Variants in ITPRID2 observed in about 807,000 individuals in gnomAD.
ITPRID2 encodes ITPR interacting domain containing 2.
Under a neutral mutation model 124.3 loss-of-function variants are expected in ITPRID2, and 60 were observed. The ratio of observed to expected loss-of-function variants is 0.48; its 90% CI spans 0.39 to 0.60. ITPRID2 has a LOEUF of 0.60. Ranked by LOEUF, ITPRID2 falls within the 20% of genes least tolerant of loss-of-function variation. The pLI is 0.00. For missense variants in ITPRID2, 1,553 were observed against 1,512.2 expected (o/e 1.03, Z -0.45); for synonymous variants, 521 against 542.9 (o/e 0.96, Z 0.56).
At chr2:181,926,522 G>A (rs927799472) in intron 16 of ITPRID2, among the ~76,000 whole-genome samples, 1 of 152,030 alleles carries the variant, frequency 6.6e-6, no homozygotes, top group African/African-American at 2.4e-5. Flanking sequence ...GACCATCTTG[G>A]CTAACATGGT....
At chr2:181,898,822 C>G (rs991937397) in intron 4 of ITPRID2, 58 bp from the exon 5 acceptor site, 4 of 1,146,792 alleles carry the variant, frequency 3.5e-6, no homozygotes, top group Non-Finnish European at 5.2e-6. Context: ...ATAATTGTAT[C>G]ATAGTAGTTA....
In ITPRID2 at chr2:181,907,963, A is replaced by G. The variant is rs1445098594; in HGVS notation, c.1414-1936A>G. Among the ~76,000 whole-genome samples the G allele has an allele frequency of 6.6e-6, 1 of 152,200 alleles. No individual in the cohort carries two copies. The highest frequency in any genetic ancestry group is 6.6e-5 in the Admixed American group (1 of 15,266). ...AGGAGAGAGTAGATTTGTTTTTGCCATTGAGTAGCATCTTGAAGAATAGAA... is the reference window on the plus strand; with the variant it reads ...AGGAGAGAGTAGATTTGTTTTTGCCGTTGAGTAGCATCTTGAAGAATAGAA... On this transcript the variant is annotated intron_variant, in intron 8 of 17. Coordinates refer to ENST00000431877, the MANE Select transcript of ITPRID2 (RefSeq NM_001130445.3). The surrounding 1 kb of genome is among the most constrained non-coding windows in gnomAD (Gnocchi z 5.1).
chr2:181,899,223 A>C (rs1692462803), intron 6 of ITPRID2, 111 bp downstream of exon 6: 2 of 758,126 alleles, frequency 2.6e-6, no homozygotes, highest in Admixed American at 6.0e-5. Flanking sequence ...GAAAGAACAC[A>C]AAAAGAGCGT....
chr2:181,915,382 A>G lies in ITPRID2; in HGVS notation c.1742A>G (p.Lys581Arg). The G allele has an allele frequency of 6.2e-7, 1 of 1,614,194 alleles. No individual in the cohort carries two copies. The highest frequency in any genetic ancestry group is 1.1e-5 in the South Asian group (1 of 91,080). Residue 581 changes from lysine to arginine, a missense_variant, in exon 11 of 18, where the codon AAG (lysine) becomes AGG (arginine). Transcript: ENST00000431877. Reference sequence around the variant, plus strand: ...GTCCCTCTTCAGAAGGGACTAGAGAAGGCAGCAGCAGTTGCAGACAAAAGA... The same window carrying G: ...GTCCCTCTTCAGAAGGGACTAGAGAGGGCAGCAGCAGTTGCAGACAAAAGA... ...SLVPLQKGLEKAAAVADKRKS... is the reference protein window; with the variant it reads ...SLVPLQKGLERAAAVADKRKS...
chr2:181,898,157 C>T (rs1692362933), intron 4 of ITPRID2, among the ~76,000 whole-genome samples: 1 of 151,978 alleles, frequency 6.6e-6, no homozygotes, highest in African/African-American at 2.4e-5. Context: ...GTGAGTTAGG[C>T]ACCTTTCTGG....
In ITPRID2 at chr2:181,922,288, C is replaced by T; in HGVS notation, c.3551C>T (p.Ala1184Val). ...SSEEVDAAEG[A>V]PEVVGPKSEV... ...GAGGAAGTTGATGCAGCTGAAGGAG[C>T]CCCAGAAGTTGTAGGACCTAAATCT... Residue 1184 changes from alanine to valine, a missense_variant, in exon 16 of 18, where the codon GCC becomes GTC. By Grantham distance (64) the Ala-to-Val change is moderately conservative. Coordinates refer to ENST00000431877, the MANE Select transcript of ITPRID2 (RefSeq NM_001130445.3). The T allele has an allele frequency of 6.2e-7, 1 of 1,614,140 alleles. No homozygotes were observed. The highest frequency in any genetic ancestry group is 8.5e-7 in the Non-Finnish European group (1 of 1,180,038).
intron 11 of ITPRID2, 125 bp from the exon 12 acceptor site, chr2:181,918,473 T>G: frequency 1.4e-6 from 2 of 1,477,818 alleles, no homozygotes; most frequent in South Asian, 1.5e-5. Flanking sequence ...ATATGAAGGT[T>G]TTTTGGATCC....
At position 181,910,704 on chromosome 2, in the gene ITPRID2, A is replaced by G; in HGVS notation, c.1486+733A>G. 3.1e-6 allele frequency: 2 copies of G among 646,952 alleles called. No homozygotes were observed. Among genetic ancestry groups the G allele is most frequent in the Non-Finnish European group, 5.6e-6 (2 of 356,930 alleles). 40.1% of individuals were successfully genotyped at this position (646,952 alleles called of 1,614,324 possible). A position where few individuals can be genotyped will look rare whatever the true frequency, so the allele number is the denominator to read the frequency against. On this transcript the variant is annotated intron_variant, in intron 9 of 17. Coordinates refer to ENST00000431877, the MANE Select transcript of ITPRID2 (RefSeq NM_001130445.3). This position sits in a 1 kb window ranked among gnomAD's most constrained non-coding sequence, Gnocchi z 4.1. ...TTTTTTTAAACAAAGATTCGTATGT[A>G]TGTTCCTAGAATAGGAAATTACATG...
chr2:181,927,646 A>C (rs1336993668), intron 16 of ITPRID2, among the ~76,000 whole-genome samples: 1 of 151,496 alleles, frequency 6.6e-6, no homozygotes, highest in Non-Finnish European at 1.5e-5. Context: ...ACTAAATGAT[A>C]ATTTCTTCTT....
chr2:181,928,255 A>G lies in ITPRID2; in HGVS notation c.3770A>G (p.Asp1257Gly). 6.5e-7 allele frequency: 1 copy of G among 1,539,096 alleles called. No individual in the cohort carries two copies. ...SSSKASNSKQ[D>G]YH ...AGTAAAGCGTCTAATTCTAAGCAAG[A>G]TTATCATTAAACAGAAATTATAGGT... is the stretch of plus-strand genomic sequence containing the variant. The change falls in exon 17 of 18, where the codon GAT becomes GGT. Residue 1257 changes from aspartate (D) to glycine (G), a missense_variant. By Grantham distance (94) the Asp-to-Gly change is moderately conservative. Transcript: ENST00000431877.
chr2:181,900,355 T>A (rs1252750679), intron 6 of ITPRID2, among the ~76,000 whole-genome samples: 1 of 152,212 alleles, frequency 6.6e-6, no homozygotes, highest in African/African-American at 2.4e-5. Flanking sequence ...TTATTCTTCA[T>A]CATCTGTCTT....
At chr2:181,899,165 T>C (rs1692459012) in intron 6 of ITPRID2, 53 bp downstream of exon 6, 1 of 1,262,450 alleles carries the variant, frequency 7.9e-7, no homozygotes, top group East Asian at 2.4e-5. Context: ...GATGACCTAC[T>C]CTTATCATTT....
rs532457500 is a variant in ITPRID2, at chr2:181,899,560, G to T, written c.503+448G>T. On this transcript the variant is annotated intron_variant, in intron 6 of 17. Coordinates refer to ENST00000431877, the MANE Select transcript of ITPRID2 (RefSeq NM_001130445.3). The stretch of plus-strand genomic sequence containing the variant: ...TCTTTCAAATATATAGTATAGCCAG[G>T]CCCAGTGGCTGACACCGGTAATCCC... 1.2e-3 allele frequency among the ~76,000 whole-genome samples: 181 copies of T among 152,180 alleles called. 2 individuals are homozygous for T. Among genetic ancestry groups the T allele is most frequent in the African/African-American group, 4.1e-3 (172 of 41,522 alleles).
Position 181,928,284 on chromosome 2 carries a change from T to G in ITPRID2, c.*13+6T>G. The stretch of plus-strand genomic sequence containing the variant: ...TCATTAAACAGAAATTATAGGTAAA[T>G]TTTTCTGAGTTTCTTTGTTGAGCTA... On this transcript the variant is annotated splice_donor_region_variant and intron_variant, in intron 17 of 17. Coordinates refer to ENST00000431877, the MANE Select transcript of ITPRID2 (RefSeq NM_001130445.3). 1 of 1,470,520 alleles carries G rather than the reference T, an allele frequency of 6.8e-7. No homozygotes were observed. 91.1% of individuals were successfully genotyped at this position (1,470,520 alleles called of 1,614,324 possible). A position where few individuals can be genotyped will look rare whatever the true frequency, so the allele number is the denominator to read the frequency against.
Position 181,892,279 on chromosome 2 carries a change from T to A in ITPRID2, c.211+2T>A, listed in dbSNP as rs1455540612. On this transcript the variant is annotated splice_donor_variant, in intron 1 of 17. Transcript: ENST00000431877. LOFTEE classifies it high-confidence loss of function. The surrounding 1 kb of genome is among the most constrained non-coding windows in gnomAD (Gnocchi z 5.2). ...AGCTGCCGGCAGCGGGGGGAAGAGG[T>A]CGGTGCTCCCGGCCGGGCTCCGGGG... 3 of 1,543,750 alleles carry A rather than the reference T, an allele frequency of 1.9e-6. No homozygotes were observed. The highest frequency in any genetic ancestry group is 2.6e-6 in the Non-Finnish European group (3 of 1,144,194).
chr2:181,919,229 A>G lies in ITPRID2; in HGVS notation c.2994-67A>G. ...TTCTGTTAGCATATAGTAGTTGTTG[A>G]AAGATTTGTGATTAGGAATCTCCAA... On this transcript the variant is annotated intron_variant, in intron 13 of 17. Transcript: ENST00000431877. This position sits in a 1 kb window ranked among gnomAD's most constrained non-coding sequence, Gnocchi z 4.2. 1 of 1,576,658 alleles carries G rather than the reference A, an allele frequency of 6.3e-7. No individual in the cohort carries two copies. Among genetic ancestry groups the G allele is most frequent in the South Asian group, 1.1e-5 (1 of 89,280 alleles).
chr2:181,900,941 A>G, intron 7 of ITPRID2, 37 bp downstream of exon 7: 1 of 1,486,942 alleles, frequency 6.7e-7, no homozygotes, highest in South Asian at 1.2e-5. Context: ...TATTTTCTTA[A>G]ATTATAGCAT....
In ITPRID2 at chr2:181,907,840, C is replaced by T. The variant is rs1693273758; in HGVS notation, c.1414-2059C>T. ...GGGTACTCTGATTTTGCTGAGTAAA[C>T]AAGAAGAATCCCAACTTTAGTTTTA... On this transcript the variant is annotated intron_variant, in intron 8 of 17. Coordinates refer to ENST00000431877, the MANE Select transcript of ITPRID2 (RefSeq NM_001130445.3). The surrounding 1 kb of genome is among the most constrained non-coding windows in gnomAD (Gnocchi z 5.1). Among the ~76,000 whole-genome samples the T allele has an allele frequency of 6.6e-6, 1 of 152,090 alleles. No homozygotes were observed. The highest frequency in any genetic ancestry group is 2.1e-4 in the South Asian group (1 of 4,818).
At position 181,928,167 on chromosome 2, in the gene ITPRID2, G is replaced by T; in HGVS notation, c.3682G>T (p.Glu1228Ter). 1 of 1,539,378 alleles carries T rather than the reference G, an allele frequency of 6.5e-7. No homozygotes were observed. Among genetic ancestry groups the T allele is most frequent in the Non-Finnish European group, 8.8e-7 (1 of 1,140,906 alleles). Residue 1228 changes from glutamate (E) to a stop codon, truncating the protein, a stop_gained, in exon 17 of 18, where the codon GAG (glutamate) becomes TAG (stop). Transcript: ENST00000431877. LOFTEE classifies it high-confidence loss of function. The part of the protein sequence containing the change: ...ELQQVIREIK[E>*]SIVGEIRREI... ...TATTGTTTTTCCAATCTAGATTAAA[G>T]AGTCTATTGTTGGGGAAATCAGACG...
Sources: allele counts gnomAD v4.1 joint callset (sites outside exome capture counted in the v4.1 genomes callset), GRCh38; gene constraint gnomAD v4.1.1; non-coding constraint Gnocchi (gnomAD v3.1); transcripts MANE v1.5; gene names NCBI Gene and HGNC (gene_info 2026-07-23, HGNC 2026-07-21).